PDXDC1: variants seen among roughly 807,000 people sequenced by gnomAD.
The protein encoded by PDXDC1 is pyridoxal dependent decarboxylase domain containing 1.
In PDXDC1, 42 loss-of-function variants were observed where a neutral mutation model predicts 100.1. The observed-to-expected ratio is 0.42, with a 90% CI of 0.33 to 0.54. The LOEUF is 0.54. Among genes scored for constraint, PDXDC1 ranks in the 20% least tolerant of loss-of-function variants. PDXDC1 has a pLI of 0.10. For synonymous variants in PDXDC1, 260 were observed against 371.7 expected (o/e 0.70, Z 3.46); for missense variants, 636 against 979.2 (o/e 0.65, Z 4.68).
chr16:14,997,744 G>C lies in PDXDC1; in HGVS notation c.22-9G>C, dbSNP rs28545123. The C allele has an allele frequency of 0.23, 306,217 of 1,354,602 alleles. 16,534 individuals carry two copies. The highest frequency in any genetic ancestry group is 0.5 in the East Asian group (21,107 of 42,086). The allele number at this position is 1,354,602 out of a possible 1,614,324, so 83.9% of individuals were successfully genotyped here. On this transcript the variant is annotated splice_polypyrimidine_tract_variant and intron_variant, in intron 1 of 22. Transcript: ENST00000396410. ...TTAAAATTTCTTTCTTTTTTTTTTTGTTTCCCAGATAGCAGACCCCACGTT... is the reference window on the plus strand; with the variant it reads ...TTAAAATTTCTTTCTTTTTTTTTTTCTTTCCCAGATAGCAGACCCCACGTT...
intron 16 of PDXDC1, among the ~76,000 whole-genome samples, chr16:15,075,734 T>C (rs558658379): frequency 1.3e-5 from 2 of 152,214 alleles, no homozygotes; most frequent in Admixed American, 6.5e-5. Context: ...ATGAGACCTA[T>C]CCATGCAAAA....
chr16:15,061,008 T>A (rs981410480), intron 16 of PDXDC1: 2 of 152,252 alleles, frequency 1.3e-5, no homozygotes, highest in African/African-American at 4.8e-5. Flanking sequence ...TACATCTACC[T>A]GGACCTCCAT....
At position 15,035,525 on chromosome 16, in the gene PDXDC1, G is replaced by A. The variant is rs748226273; in HGVS notation, c.2079G>A (p.Ser693=). ...GAGTCACGCTGCCTCCAACGCCCTCGGGCAGTCGCACCAAGCAGAGGCTTC... is the reference window on the plus strand; with the variant it reads ...GAGTCACGCTGCCTCCAACGCCCTCAGGCAGTCGCACCAAGCAGAGGCTTC... The part of the protein sequence containing the change: ...GAGVTLPPTP[S]GSRTKQRLPG... Residue 693 remains serine, a synonymous_variant, in exon 22 of 23, where the codon TCG becomes TCA. Transcript: ENST00000396410. 33 of 1,611,574 alleles carry A rather than the reference G, an allele frequency of 2.0e-5. No homozygotes were observed. The highest frequency in any genetic ancestry group is 1.4e-4 in the South Asian group (13 of 90,890).
intron 16 of PDXDC1, among the ~76,000 whole-genome samples, chr16:15,083,996 G>A (rs1423242448): frequency 1.3e-5 from 2 of 152,200 alleles, no homozygotes; most frequent in Non-Finnish European, 2.9e-5. Context: ...GATTACAGGC[G>A]TGAGCCACCG....
intron 16 of PDXDC1, chr16:15,104,739 T>G: frequency 6.3e-7 from 1 of 1,597,144 alleles, no homozygotes; most frequent in Non-Finnish European, 8.5e-7. Context: ...ATGACGATGC[T>G]CCGCTGCCGC....
At chr16:14,975,384 G>A (rs1966651409) in intron 1 of PDXDC1, 164 bp downstream of exon 1, 5 of 985,396 alleles carry the variant, frequency 5.1e-6, no homozygotes, top group African/African-American at 1.7e-5. Context: ...CTGGGGCCCG[G>A]GCGCGTCACG....
rs2046177055 is a variant in PDXDC1 at position 15,092,543 on chromosome 16, C to T, written c.1400-46336C>T. On this transcript the variant is annotated intron_variant, in intron 16 of 16. Coordinates refer to the PDXDC1 transcript ENST00000535621. The stretch of plus-strand genomic sequence containing the variant: ...CTTCAGCAAGACTTCTGTCACAGTT[C>T]CACCAAACCGAACAGTTTTTCTTGG... The T allele has an allele frequency of 6.2e-7, 1 of 1,613,206 alleles. No individual in the cohort carries two copies. Among genetic ancestry groups the T allele is most frequent in the Admixed American group, 1.7e-5 (1 of 59,962 alleles).
intron 16 of PDXDC1, among the ~76,000 whole-genome samples, chr16:15,069,372 A>G (rs2045124474): frequency 6.6e-6 from 1 of 152,222 alleles, no homozygotes; most frequent in Non-Finnish European, 1.5e-5. Flanking sequence ...GAAGTGACCC[A>G]CAAAACCATA....
At chr16:15,082,043 A>G (rs1445966194) in intron 16 of PDXDC1, among the ~76,000 whole-genome samples, 2 of 152,190 alleles carry the variant, frequency 1.3e-5, no homozygotes, top group Admixed American at 1.3e-4. Flanking sequence ...TGACATATAA[A>G]ATCACCTTGC....
intron 3 of PDXDC1, among the ~76,000 whole-genome samples, chr16:15,001,353 G>A (rs1432842900): frequency 7.9e-5 from 12 of 152,274 alleles, no homozygotes; most frequent in Non-Finnish European, 1.2e-4. Context: ...GCCGAGCGTG[G>A]TGGCGCAAGC....
At chr16:15,045,983 C>G (rs1204794777) in intron 16 of PDXDC1, 2 of 152,270 alleles carry the variant, frequency 1.3e-5, no homozygotes, top group African/African-American at 4.8e-5. Context: ...CACTGGGCCA[C>G]CAGGTTTGCC....
intron 16 of PDXDC1, among the ~76,000 whole-genome samples, chr16:15,044,143 C>T (rs118170622): frequency 0.014 from 2,102 of 152,186 alleles, 23 homozygotes; most frequent in Non-Finnish European, 0.024. Flanking sequence ...AGCCCTGCTA[C>T]CCCTCCCTAC....
intron 16 of PDXDC1, among the ~76,000 whole-genome samples, chr16:15,096,107 T>C (rs1357866649): frequency 6.6e-6 from 1 of 151,904 alleles, no homozygotes; most frequent in Non-Finnish European, 1.5e-5. Flanking sequence ...TTTGGTTTTT[T>C]TGTTTTTTGT....
chr16:14,979,847 T>A lies in PDXDC1; in HGVS notation c.21+4627T>A, dbSNP rs529663332. Among the ~76,000 whole-genome samples, 15 of 152,404 alleles carry A rather than the reference T, an allele frequency of 9.8e-5. No homozygotes were observed. The South Asian group carries it at 1.2e-3, about 13-fold the overall frequency. On this transcript the variant is annotated intron_variant, in intron 1 of 22. Transcript: ENST00000396410. Reference sequence around the variant, plus strand: ...TCCGAGAATTTCTATTCCTGCTCCTTCCTTAAAAAGCATGAGAAAAGAACC... The same window carrying A: ...TCCGAGAATTTCTATTCCTGCTCCTACCTTAAAAAGCATGAGAAAAGAACC...
intron 3 of PDXDC1, among the ~76,000 whole-genome samples, chr16:15,001,413 CG>C (rs1973123469): frequency 6.6e-6 from 1 of 152,278 alleles, no homozygotes; most frequent in Non-Finnish European, 1.5e-5. Flanking sequence ...CGCTTAAACC[CG>C]GGAGGCAGAG....
At chr16:15,016,264 T>C (rs1341622203) in intron 9 of PDXDC1, 51 bp downstream of exon 9, 1 of 1,592,660 alleles carries the variant, frequency 6.3e-7, no homozygotes, top group Admixed American at 1.9e-5. Context: ...ACAGAGTCCT[T>C]ATGAGGACTG....
At chr16:14,976,129 G>A (rs1168211468) in intron 1 of PDXDC1, among the ~76,000 whole-genome samples, 1 of 152,282 alleles carries the variant, frequency 6.6e-6, no homozygotes, top group African/African-American at 2.4e-5. Context: ...ACCAGTTTGG[G>A]TTTCTTCACG....
intron 11 of PDXDC1, among the ~76,000 whole-genome samples, chr16:15,018,365 C>G (rs1423756762): frequency 2.0e-5 from 3 of 152,232 alleles, no homozygotes; most frequent in Admixed American, 1.3e-4. Context: ...GCTATGATCA[C>G]ACCACTGCAC....
At chr16:15,032,659 A>AC in intron 17 of PDXDC1, 1 of 459,202 alleles carries the variant, frequency 2.2e-6, no homozygotes, top group Admixed American at 4.1e-5. Flanking sequence ...GCTTTAAAAA[A>AC]AAAAAAAAAA....
Sources: gnomAD v4.1 joint callset for allele counts (sites outside exome capture counted in the v4.1 genomes callset) on GRCh38, gnomAD v4.1.1 for gene constraint, MANE v1.5 for transcripts, NCBI Gene and HGNC (gene_info 2026-07-23, HGNC 2026-07-21) for gene names.